The following LEKR1 variants were observed in gnomAD, a reference collection of about 807,000 sequenced individuals.
LEKR1 encodes leucine, glutamate and lysine rich 1, also known as protein LEKR1.
Under a neutral mutation model 72.4 loss-of-function variants are expected in LEKR1, and 59 were observed. The ratio of observed to expected loss-of-function variants is 0.82; its 90% CI spans 0.66 to 1.01. The LOEUF is 1.01. Ranked by LOEUF, LEKR1 falls within the 50% of genes least tolerant of loss-of-function variation. The probability of loss-of-function intolerance (pLI) is 0.00; values close to 1 mark genes in which losing one functional copy is unlikely to be tolerated. For missense variants in LEKR1, 728 were observed against 759.2 expected (o/e 0.96, Z 0.48); for synonymous variants, 257 against 263.2 (o/e 0.98, Z 0.23).
At chr3:157,016,098 T>C (rs1733301853) in intron 10 of LEKR1, among the ~76,000 whole-genome samples, 1 of 151,860 alleles carries the variant, frequency 6.6e-6, no homozygotes, top group Non-Finnish European at 1.5e-5. Flanking sequence ...TGAGACAGAT[T>C]CAAGAGGCCC....
At chr3:156,844,387 A>T (rs931501800) in intron 2 of LEKR1, among the ~76,000 whole-genome samples, 1 of 152,164 alleles carries the variant, frequency 6.6e-6, no homozygotes, top group East Asian at 1.9e-4. Flanking sequence ...CAGTGGTAAC[A>T]TCTGGCAAAA....
At chr3:156,984,071 A>G (rs1244499840) in intron 7 of LEKR1, among the ~76,000 whole-genome samples, 8 of 152,144 alleles carry the variant, frequency 5.3e-5, no homozygotes, top group Non-Finnish European at 1.2e-4. Context: ...AAAAGAACAG[A>G]CGGTTATGGC....
At chr3:157,033,901 C>T (rs1362903371) in intron 12 of LEKR1, among the ~76,000 whole-genome samples, 2 of 152,146 alleles carry the variant, frequency 1.3e-5, no homozygotes, top group Non-Finnish European at 1.5e-5. Context: ...TGCTCATTTA[C>T]CATCCCAAAA....
At chr3:156,914,504 T>C (rs187432783) in intron 3 of LEKR1, among the ~76,000 whole-genome samples, 1 of 152,348 alleles carries the variant, frequency 6.6e-6, no homozygotes, top group East Asian at 1.9e-4. Context: ...CAACCTTTTT[T>C]ATGGCTGCAT....
chr3:156,873,171 C>T (rs1250148679), intron 3 of LEKR1, among the ~76,000 whole-genome samples: 1 of 151,828 alleles, frequency 6.6e-6, no homozygotes, highest in Non-Finnish European at 1.5e-5. Flanking sequence ...TATATAATGA[C>T]CTTTTTTGTG....
intron 3 of LEKR1, among the ~76,000 whole-genome samples, chr3:156,871,530 A>G (rs1026892649): frequency 6.6e-6 from 1 of 152,194 alleles, no homozygotes; most frequent in African/African-American, 2.4e-5. Context: ...AGGAGTCGCC[A>G]CACTGACTTC....
At chr3:156,828,042 G>A (rs1488026315) in intron 1 of LEKR1, among the ~76,000 whole-genome samples, 8 of 152,218 alleles carry the variant, frequency 5.3e-5, no homozygotes, top group African/African-American at 9.7e-5. Flanking sequence ...ATCAGATTAT[G>A]TTTGGGCTTA....
chr3:156,885,160 C>T (rs1176007804), intron 3 of LEKR1, among the ~76,000 whole-genome samples: 1 of 152,060 alleles, frequency 6.6e-6, no homozygotes. Flanking sequence ...ATACCTATTT[C>T]TCTGGAGAAT....
chr3:157,025,013 T>G (rs1015651696), intron 11 of LEKR1, 89 bp downstream of exon 11: 93 of 836,010 alleles, frequency 1.1e-4, no homozygotes, highest in Admixed American at 2.8e-5. Flanking sequence ...GTATTTATAA[T>G]TCCAGTAGCT....
At chr3:156,850,445 A>G (rs928313400) in intron 2 of LEKR1, among the ~76,000 whole-genome samples, 29 of 152,120 alleles carry the variant, frequency 1.9e-4, no homozygotes, top group African/African-American at 6.8e-4. Context: ...GCCACAACTC[A>G]AGAGGGTCTG....
At chr3:156,883,127 A>G (rs1419842743) in intron 3 of LEKR1, among the ~76,000 whole-genome samples, 1 of 152,074 alleles carries the variant, frequency 6.6e-6, no homozygotes, top group Admixed American at 6.5e-5. Context: ...CATTGTGCAC[A>G]TGTACCCTAA....
intron 6 of LEKR1, among the ~76,000 whole-genome samples, chr3:156,962,277 A>G (rs1728196950): frequency 6.6e-6 from 1 of 152,230 alleles, no homozygotes; most frequent in South Asian, 2.1e-4. Context: ...TTGGAATAAT[A>G]TGACCTTGGC....
chr3:156,968,639 A>G (rs1303270283), intron 6 of LEKR1, among the ~76,000 whole-genome samples: 2 of 152,246 alleles, frequency 1.3e-5, no homozygotes, highest in East Asian at 3.8e-4. Context: ...TTAGAGACCT[A>G]GAAAGAGACT....
chr3:156,853,910 T>C (rs1302297776), intron 3 of LEKR1, among the ~76,000 whole-genome samples: 1 of 152,008 alleles, frequency 6.6e-6, no homozygotes, highest in Non-Finnish European at 1.5e-5. Flanking sequence ...TGTCAGGGAT[T>C]CTTTTGTTTG....
At chr3:156,996,575 G>A (rs576323660) in intron 9 of LEKR1, among the ~76,000 whole-genome samples, 1 of 152,188 alleles carries the variant, frequency 6.6e-6, no homozygotes, top group Non-Finnish European at 1.5e-5. Context: ...GACGGAGAAG[G>A]TATTGGCAAT....
intron 3 of LEKR1, among the ~76,000 whole-genome samples, chr3:156,903,413 C>T (rs888495608): frequency 6.6e-5 from 10 of 151,862 alleles, no homozygotes; most frequent in African/African-American, 9.7e-5. Flanking sequence ...TTTTAAGGAT[C>T]GGTAGAAGCA....
At chr3:156,975,654 G>A (rs1232689875) in intron 6 of LEKR1, among the ~76,000 whole-genome samples, 2 of 152,160 alleles carry the variant, frequency 1.3e-5, no homozygotes, top group East Asian at 3.8e-4. Flanking sequence ...CAAATCTGAT[G>A]CCTGTGTAAT....
chr3:156,964,340 A>T (rs2874494), intron 6 of LEKR1, among the ~76,000 whole-genome samples: 1 of 151,872 alleles, frequency 6.6e-6, no homozygotes, highest in Non-Finnish European at 1.5e-5. Context: ...TGTTTGGATT[A>T]ATCATAATTT....
At chr3:156,977,224 C>A (rs1729772804) in intron 6 of LEKR1, among the ~76,000 whole-genome samples, 1 of 152,160 alleles carries the variant, frequency 6.6e-6, no homozygotes, top group East Asian at 1.9e-4. Flanking sequence ...GCCTAGGGAT[C>A]CTGCCTGGTG....
Sources: allele counts gnomAD v4.1 joint callset (sites outside exome capture counted in the v4.1 genomes callset), GRCh38; gene constraint gnomAD v4.1.1; transcripts MANE v1.5; gene names NCBI Gene and HGNC (gene_info 2026-07-23, HGNC 2026-07-21).